Variants in ELAVL2 observed in about 807,000 individuals in gnomAD.
ELAVL2 encodes ELAV-like protein 2.
ELAVL2 carries 4 observed loss-of-function variants against 34.6 expected under a neutral mutation model. The ratio of observed to expected loss-of-function variants is 0.12; its 90% CI spans 0.06 to 0.26. The LOEUF (loss-of-function observed/expected upper bound fraction) is 0.26. Ranked by LOEUF, ELAVL2 falls within the 10% of genes least tolerant of loss-of-function variation. The pLI, the probability that ELAVL2 is intolerant of heterozygous loss-of-function variation, is 1.00. For synonymous variants in ELAVL2, 193 were observed against 154.8 expected, an observed-to-expected ratio of 1.25 and a Z score of -1.83; for missense variants, 432 against 442.8, an observed-to-expected ratio of 0.98 and a Z score of 0.22.
chr9:23,709,751 C>A (rs1259814659), intron 3 of ELAVL2, among the ~76,000 whole-genome samples: 1 of 152,062 alleles, frequency 6.6e-6, no homozygotes, highest in Non-Finnish European at 1.5e-5. Flanking sequence ...TTTTCACTGC[C>A]ACTTAAACAG....
intron 2 of ELAVL2, among the ~76,000 whole-genome samples, chr9:23,745,272 A>G (rs1238246595): frequency 6.6e-6 from 1 of 152,174 alleles, no homozygotes; most frequent in African/African-American, 2.4e-5. Context: ...TCCCCAAAGA[A>G]GAATGTTTTC....
intron 3 of ELAVL2, among the ~76,000 whole-genome samples, chr9:23,706,340 G>T (rs7854654): frequency 0.18 from 27,522 of 152,200 alleles, 2,809 homozygotes; most frequent in South Asian, 0.35. Context: ...TGCCTAGTGA[G>T]TGCCTGACAT....
intron 2 of ELAVL2, among the ~76,000 whole-genome samples, chr9:23,757,172 G>C (rs2053762855): frequency 6.6e-6 from 1 of 152,034 alleles, no homozygotes; most frequent in Admixed American, 6.6e-5. Flanking sequence ...TGTTCATTTG[G>C]TGTATTCGTC....
chr9:23,700,654 G>C (rs10966029), intron 5 of ELAVL2, among the ~76,000 whole-genome samples: 1 of 152,148 alleles, frequency 6.6e-6, no homozygotes, highest in Non-Finnish European at 1.5e-5. Flanking sequence ...CAAGACAGAT[G>C]CAACAGTGAC....
chr9:23,776,510 G>T (rs2058214168), intron 1 of ELAVL2, among the ~76,000 whole-genome samples: 1 of 152,094 alleles, frequency 6.6e-6, no homozygotes, highest in Admixed American at 6.5e-5. Flanking sequence ...CCCAAGGCTA[G>T]AAAAGCAACA....
At chr9:23,705,171 T>C (rs1356865553) in intron 3 of ELAVL2, 100 bp from the exon 4 acceptor site, 9 of 1,373,752 alleles carry the variant, frequency 6.6e-6, no homozygotes, top group African/African-American at 1.5e-5. Flanking sequence ...ATGAACAGCA[T>C]AGAACACTGA....
chr9:23,694,102 C>A (rs2034245279), intron 5 of ELAVL2, among the ~76,000 whole-genome samples: 3 of 152,082 alleles, frequency 2.0e-5, no homozygotes, highest in Admixed American at 1.3e-4. Context: ...CAGCTGAGGT[C>A]TAGAGAAGGA....
At chr9:23,809,148 C>A (rs528543380) in intron 1 of ELAVL2, among the ~76,000 whole-genome samples, 1 of 152,248 alleles carries the variant, frequency 6.6e-6, no homozygotes, top group East Asian at 1.9e-4. Context: ...TTGTCAGGAT[C>A]CCACCTGACT....
chr9:23,788,426 T>G (rs1055511629), intron 1 of ELAVL2, among the ~76,000 whole-genome samples: 1 of 152,140 alleles, frequency 6.6e-6, no homozygotes, highest in Non-Finnish European at 1.5e-5. Flanking sequence ...AAAGCCCCAA[T>G]AGATGCCTGA....
At chr9:23,703,722 C>A (rs1178351576) in intron 4 of ELAVL2, among the ~76,000 whole-genome samples, 5 of 152,038 alleles carry the variant, frequency 3.3e-5, no homozygotes, top group Non-Finnish European at 5.9e-5. Flanking sequence ...ATACAACATG[C>A]CTCCAAGGTA....
intron 3 of ELAVL2, among the ~76,000 whole-genome samples, chr9:23,728,917 G>A (rs1381542745): frequency 1.3e-5 from 2 of 152,072 alleles, no homozygotes; most frequent in African/African-American, 4.8e-5. Context: ...GAAGTAGCCT[G>A]CTATTTGCCC....
the ELAVL2 span, among the ~76,000 whole-genome samples, chr9:23,843,043 A>T: frequency 6.6e-6 from 1 of 152,136 alleles, no homozygotes; most frequent in Non-Finnish European, 1.5e-5. Flanking sequence ...AGCAATCATC[A>T]TCTGTTTGGC....
intron 3 of ELAVL2, among the ~76,000 whole-genome samples, chr9:23,705,749 G>A (rs2039115369): frequency 6.6e-6 from 1 of 152,214 alleles, no homozygotes; most frequent in South Asian, 2.1e-4. Context: ...GACAGGAGGT[G>A]GAGCTTGGGC....
intron 2 of ELAVL2, among the ~76,000 whole-genome samples, chr9:23,739,576 T>A (rs957778067): frequency 6.7e-6 from 1 of 150,232 alleles, no homozygotes; most frequent in African/African-American, 2.4e-5. Context: ...AACAGTCTTA[T>A]ATTATCTGCT....
intron 1 of ELAVL2, among the ~76,000 whole-genome samples, chr9:23,820,065 CT>C (rs1474188714): frequency 6.7e-6 from 1 of 148,540 alleles, no homozygotes; most frequent in Admixed American, 6.7e-5. Flanking sequence ...TGCAGGACAG[CT>C]TTTCCACCCG....
intron 1 of ELAVL2, chr9:23,779,247 T>A (rs1292582650): frequency 3.0e-6 from 3 of 985,338 alleles, no homozygotes; most frequent in Non-Finnish European, 3.6e-6. Context: ...TTCACACTTT[T>A]TCTGCTGCTT....
intron 4 of ELAVL2, among the ~76,000 whole-genome samples, chr9:23,704,149 C>CTTTTTTTTTTTTTTTTTTTTTTT (rs1213893502): frequency 5.7e-4 from 86 of 151,732 alleles, no homozygotes; most frequent in Non-Finnish European, 9.6e-4. Context: ...TCACGCTGGT[C>CTTTTTTTTTTTTTTTTTTTTTTT]TTGAACTCCC....
chr9:23,826,337 C>T (rs1028774658), upstream of ELAVL2: 1 of 152,474 alleles, frequency 6.6e-6, no homozygotes, highest in Non-Finnish European at 1.5e-5. Flanking sequence ...CTGCCAGGCT[C>T]CTATCCCGGG....
At chr9:23,749,394 T>C (rs1052501562) in intron 2 of ELAVL2, among the ~76,000 whole-genome samples, 1 of 152,048 alleles carries the variant, frequency 6.6e-6, no homozygotes, top group Non-Finnish European at 1.5e-5. Context: ...CAAAATAGGG[T>C]TTTGTTCTGT....
Sources: allele counts gnomAD v4.1 joint callset (sites outside exome capture counted in the v4.1 genomes callset), GRCh38; gene constraint gnomAD v4.1.1; transcripts MANE v1.5; gene names NCBI Gene and HGNC (gene_info 2026-07-23, HGNC 2026-07-21).